WDFY4: variants seen among roughly 807,000 people sequenced by gnomAD.
WDFY4 encodes the protein WDFY family member 4, also known as WD repeat- and FYVE domain-containing protein 4.
In WDFY4, 169 loss-of-function variants were observed where a neutral mutation model predicts 351.9. The ratio of observed to expected loss-of-function variants is 0.48; its 90% CI spans 0.42 to 0.55. WDFY4 has a LOEUF of 0.55. Ranked by LOEUF, WDFY4 falls within the 20% of genes least tolerant of loss-of-function variation. The pLI, the probability that WDFY4 is intolerant of heterozygous loss-of-function variation, is 0.00. For synonymous variants in WDFY4, 1,622 were observed against 1,574.6 expected (o/e 1.03, Z -0.71); for missense variants, 3,803 against 3,935.6 (o/e 0.97, Z 0.90).
rs1333629033 is a variant in WDFY4, at chr10:48,778,869, T to C, written c.3397+37T>C. 22 of 1,542,148 alleles carry C rather than the reference T, an allele frequency of 1.4e-5. No individual in the cohort carries two copies. The East Asian group carries it at 5.1e-4, about 36-fold the overall frequency. Reference sequence around the variant, plus strand: ...GGATCCAAAGCCAGTTTCATCCACATGTGGGGGAAATGGGGCTAAGTCAGA... The same window carrying C: ...GGATCCAAAGCCAGTTTCATCCACACGTGGGGGAAATGGGGCTAAGTCAGA... On this transcript the variant is annotated intron_variant, in intron 18 of 61. Transcript: ENST00000325239.
intron 2 of WDFY4, among the ~76,000 whole-genome samples, chr10:48,710,429 G>A (rs1237447032): frequency 1.3e-5 from 2 of 152,180 alleles, no homozygotes; most frequent in African/African-American, 2.4e-5. Context: ...AGACCCTAGC[G>A]AGAGTGTCAT....
rs1389158617 is a variant in WDFY4 at position 48,901,836 on chromosome 10, C to G, written c.7559C>G (p.Ala2520Gly). The G allele has an allele frequency of 1.3e-6, 2 of 1,551,454 alleles. No homozygotes were observed. The highest frequency in any genetic ancestry group is 1.2e-5 in the South Asian group (1 of 84,062). ...TTCCAACCCAGCCTGAAGGGGAAAG[C>G]CACCTCGGAGGACACCCTCAGTCTA... ...CSFQPSLKGK[A>G]TSEDTLSLRR... is the part of the protein sequence containing the mutation. The change falls in exon 47 of 62, where the codon GCC becomes GGC. Residue 2520 changes from alanine to glycine, a missense_variant. Physicochemically the swap from Ala to Gly is moderately conservative, Grantham distance 60 (BLOSUM62 0). This residue lies in a region of WDFY4 where 3,054 missense variants were observed against 3,148.6 expected (regional missense o/e 0.97). Transcript: ENST00000325239.
At chr10:48,910,186 A>T in intron 47 of WDFY4, 3 of 1,451,890 alleles carry the variant, frequency 2.1e-6, no homozygotes, top group Non-Finnish European at 2.9e-6. Flanking sequence ...TCCTCTTCAG[A>T]GTCGTTTATT....
chr10:48,789,753 C>A lies in WDFY4; in HGVS notation c.3955-121C>A, dbSNP rs966822978. ...GTTCAATTGCTATTCATTCCATGAT[C>A]ATTGCTGATGGAGTGTCAGCACTGG... On this transcript the variant is annotated intron_variant, in intron 21 of 61. Transcript: ENST00000325239. 44 of 834,280 alleles carry A rather than the reference C, an allele frequency of 5.3e-5. No homozygotes were observed. The African/African-American group carries it at 6.9e-4, about 13-fold the overall frequency. 51.7% of individuals were successfully genotyped at this position (834,280 alleles called of 1,614,324 possible). A position where few individuals can be genotyped will look rare whatever the true frequency, so the allele number is the denominator to read the frequency against.
rs1041900446 is a variant in WDFY4 at position 48,774,566 on chromosome 10, G to A, written c.2662G>A (p.Ala888Thr). The A allele has an allele frequency of 6.4e-7, 1 of 1,551,600 alleles. No homozygotes were observed. The highest frequency in any genetic ancestry group is 2.0e-5 in the Admixed American group (1 of 51,012). ...CEAGLLGTLMASCHRALVTSG... is the reference protein window; with the variant it reads ...CEAGLLGTLMTSCHRALVTSG... ...AGCAGGCTTGCTTGGGACCCTCATG[G>A]CCTCCTGCCACAGGGCCCTGGTCAC... Residue 888 changes from alanine to threonine, a missense_variant, in exon 14 of 62, where the codon GCC becomes ACC. Ala to Thr is a moderately conservative substitution (Grantham distance 58, BLOSUM62 0). Coordinates refer to ENST00000325239, the MANE Select transcript of WDFY4 (RefSeq NM_001394531.1).
At chr10:48,897,598 G>A (rs947420057) in intron 45 of WDFY4, 24 bp downstream of exon 45, 17 of 1,538,522 alleles carry the variant, frequency 1.1e-5, no homozygotes, top group South Asian at 7.1e-5. Flanking sequence ...GTGCTGGCAC[G>A]CCTGGGGCCT....
intron 45 of WDFY4, 88 bp from the exon 46 acceptor site, chr10:48,900,133 C>T: frequency 8.4e-7 from 1 of 1,184,046 alleles, no homozygotes; most frequent in South Asian, 1.5e-5. Context: ...CGGAGACCCG[C>T]AATGACCCAT....
intron 39 of WDFY4, among the ~76,000 whole-genome samples, chr10:48,857,618 T>G (rs576691315): frequency 6.6e-6 from 1 of 152,328 alleles, no homozygotes; most frequent in East Asian, 1.9e-4. Context: ...TATATAAATA[T>G]AAGTTATTTA....
chr10:48,906,526 C>G (rs922492135), intron 47 of WDFY4, among the ~76,000 whole-genome samples: 4 of 152,152 alleles, frequency 2.6e-5, no homozygotes, highest in Non-Finnish European at 2.9e-5. Context: ...TTCTGCAAGC[C>G]GACAGGGCCT....
chr10:48,784,958 C>A (rs529104943), intron 19 of WDFY4, among the ~76,000 whole-genome samples: 4 of 149,424 alleles, frequency 2.7e-5, no homozygotes, highest in Non-Finnish European at 4.4e-5. Context: ...CCTGGGTTCG[C>A]GCCATTCTCC....
Position 48,974,527 on chromosome 10 carries a change from A to AAAAAAAAAAACAAACAAAACAAC in WDFY4, c.8929-333_8929-332insAAAAAAAACAAACAAAACAACAA. 2.4e-3 allele frequency among the ~76,000 whole-genome samples: 56 copies of AAAAAAAAAAACAAACAAAACAAC among 23,190 alleles called. 9 individuals are homozygous for AAAAAAAAAAACAAACAAAACAAC. Among genetic ancestry groups the AAAAAAAAAAACAAACAAAACAAC allele is most frequent in the Non-Finnish European group, 7.1e-3 (38 of 5,342 alleles). 15.2% of individuals were successfully genotyped at this position (23,190 alleles called of 152,430 possible). A position where few individuals can be genotyped will look rare whatever the true frequency, so the allele number is the denominator to read the frequency against. ...CAAAAAAAAAAAAAAAAAAAAAAAA[A>AAAAAAAAAAACAAACAAAACAAC]AACAACTCATGACATGAACTGCTCC... On this transcript the variant is annotated intron_variant, in intron 57 of 61. Transcript: ENST00000325239.
chr10:48,779,965 C>A lies in WDFY4; in HGVS notation c.3422C>A (p.Ser1141Tyr), dbSNP rs1174001596. ...GATGTCATGGAACCTGAGGATGACT[C>A]CGAGCCTTCTGCAGGATGCCAGCTT... ...PLDVMEPEDD[S>Y]EPSAGCQLQV... The change falls in exon 19 of 62, where the codon TCC (serine) becomes TAC (tyrosine). Residue 1141 changes from serine to tyrosine, a missense_variant. Around this residue, in one of 3 missense-constraint regions of WDFY4, gnomAD observed 3,054 missense variants for 3,148.6 expected, o/e 0.97. Coordinates refer to ENST00000325239, the MANE Select transcript of WDFY4 (RefSeq NM_001394531.1). The A allele has an allele frequency of 6.4e-7, 1 of 1,551,622 alleles. No individual in the cohort carries two copies. The highest frequency in any genetic ancestry group is 8.7e-7 in the Non-Finnish European group (1 of 1,147,010).
At chr10:48,774,815 G>T in intron 14 of WDFY4, 143 bp downstream of exon 14, 1 of 1,119,836 alleles carries the variant, frequency 8.9e-7, no homozygotes, top group Non-Finnish European at 1.3e-6. Context: ...TGGAGTCCAT[G>T]GCTGAGCCTT....
At chr10:48,897,163 G>A (rs923621026) in intron 44 of WDFY4, among the ~76,000 whole-genome samples, 7 of 152,328 alleles carry the variant, frequency 4.6e-5, no homozygotes, top group South Asian at 2.1e-4. Context: ...AAACTGCGCC[G>A]TCATATTGCT....
intron 47 of WDFY4, among the ~76,000 whole-genome samples, chr10:48,904,051 G>A (rs746035913): frequency 2.6e-5 from 4 of 152,206 alleles, no homozygotes; most frequent in African/African-American, 7.2e-5. Flanking sequence ...TTGTTGGTAG[G>A]CCAAGTGGGA....
chr10:48,951,630 A>G (rs1841325690), intron 51 of WDFY4, among the ~76,000 whole-genome samples: 1 of 152,244 alleles, frequency 6.6e-6, no homozygotes, highest in South Asian at 2.1e-4. Flanking sequence ...AAAGAAACAA[A>G]AAAAAGCACA....
chr10:48,897,719 A>G (rs888097472), intron 45 of WDFY4, 145 bp downstream of exon 45: 8 of 1,320,370 alleles, frequency 6.1e-6, no homozygotes, highest in Non-Finnish European at 8.0e-6. Flanking sequence ...GACACCCGCA[A>G]GTTCCCTGGG....
intron 37 of WDFY4, among the ~76,000 whole-genome samples, chr10:48,829,710 G>A (rs1014313559): frequency 2.6e-5 from 4 of 152,246 alleles, no homozygotes; most frequent in East Asian, 1.9e-4. Flanking sequence ...AAATTAGCTG[G>A]GCATAGTGGC....
At position 48,873,550 on chromosome 10, in the gene WDFY4, T is replaced by G; in HGVS notation, c.6801T>G (p.Leu2267=). ...CCTGGGCCAGGATCCAGGAGCAGCTTTTTGGGGAGCTGGGCTTGTGGAGCC... is the reference window on the plus strand; with the variant it reads ...CCTGGGCCAGGATCCAGGAGCAGCTGTTTGGGGAGCTGGGCTTGTGGAGCC... ...ANAWARIQEQ[L]FGELGLWSQG... Residue 2267 remains leucine, a synonymous_variant, in exon 41 of 62, where the codon CTT becomes CTG. Transcript: ENST00000325239. The G allele has an allele frequency of 6.4e-7, 1 of 1,551,670 alleles. No homozygotes were observed. Among genetic ancestry groups the G allele is most frequent in the Non-Finnish European group, 8.7e-7 (1 of 1,146,976 alleles).
Sources: allele counts gnomAD v4.1 joint callset (sites outside exome capture counted in the v4.1 genomes callset), GRCh38; gene constraint gnomAD v4.1.1; regional missense constraint gnomAD v4.1.1; transcripts MANE v1.5; gene names NCBI Gene and HGNC (gene_info 2026-07-23, HGNC 2026-07-21).